The following PEX13 variants were observed in gnomAD, a reference collection of about 807,000 sequenced individuals.
The protein encoded by PEX13 is peroxisomal biogenesis factor 13.
A neutral mutation model predicts 34.5 loss-of-function variants in PEX13; 28 were observed. That is an observed-to-expected ratio of 0.81 (90% CI 0.60 to 1.11). The LOEUF is 1.11. PEX13 is among the 50% of genes most tolerant of loss of function. PEX13 has a pLI of 0.00. For synonymous variants in PEX13, 177 were observed against 175.1 expected, an observed-to-expected ratio of 1.01 and a Z score of -0.09; for missense variants, 550 against 491.0, an observed-to-expected ratio of 1.12 and a Z score of -1.13.
At chr2:61,038,876 TCTC>T (rs1680576420) in intron 2 of PEX13, among the ~76,000 whole-genome samples, 1 of 152,146 alleles carries the variant, frequency 6.6e-6, no homozygotes, top group Non-Finnish European at 1.5e-5. Context: ...CAGCCCAAAA[TCTC>T]CTTAAGCTGA....
In PEX13 at chr2:61,031,968, T is replaced by G. The variant is rs747084865; in HGVS notation, c.642T>G (p.Ser214Arg). ...AGAATGAAGACCTCTGGGCAGAGAG[T>G]GAAGGAACTGTGGCATGCCTTGGTG... ...GSENEDLWAE[S>R]EGTVACLGAE... The change falls in exon 2 of 4, where the codon AGT becomes AGG. Residue 214 changes from serine to arginine, a missense_variant. Physicochemically the swap from Ser to Arg is moderately radical, Grantham distance 110. Transcript: ENST00000295030. 16 of 1,613,778 alleles carry G rather than the reference T, an allele frequency of 9.9e-6. 1 individual carries two copies. The South Asian group carries it at 1.6e-4, about 17-fold the overall frequency.
chr2:61,035,408 G>A (rs560486090), intron 2 of PEX13, among the ~76,000 whole-genome samples: 8 of 152,280 alleles, frequency 5.3e-5, no homozygotes, highest in South Asian at 2.1e-4. Context: ...AAACCAGAGC[G>A]CCTCTTCTCC....
chr2:61,027,382 G>A (rs149382457), intron 1 of PEX13, among the ~76,000 whole-genome samples: 106 of 151,324 alleles, frequency 7.0e-4, no homozygotes, highest in African/African-American at 2.4e-3. Context: ...CAAAAACAGC[G>A]AGTTAGATTA....
chr2:61,043,891 A>G (rs1680665147), intron 2 of PEX13, among the ~76,000 whole-genome samples: 1 of 152,182 alleles, frequency 6.6e-6, no homozygotes, highest in South Asian at 2.1e-4. Flanking sequence ...ACTCCTTTTC[A>G]GCTATTGTTA....
Position 61,032,031 on chromosome 2 carries a change from A to G in PEX13, c.705A>G (p.Pro235=), listed in dbSNP as rs1029828967. The G allele has an allele frequency of 4.3e-6, 7 of 1,613,624 alleles. No homozygotes were observed. Among genetic ancestry groups the G allele is most frequent in the Non-Finnish European group, 5.9e-6 (7 of 1,179,808 alleles). Residue 235 remains proline (P), a synonymous_variant, in exon 2 of 4, where the codon CCA becomes CCG. Transcript: ENST00000295030. ...CAGCTACCTCAGCAAAATCTTGGCC[A>G]ATATTCTTGTTCTTTGCTGTTATCC... is the stretch of plus-strand genomic sequence containing the variant. ...DRAATSAKSW[P]IFLFFAVILG...
Position 61,024,252 on chromosome 2 carries a change from G to C in PEX13, c.92+6401G>C, listed in dbSNP as rs149890502. 2.7e-3 allele frequency among the ~76,000 whole-genome samples: 404 copies of C among 152,286 alleles called. 1 individual carries two copies. Among genetic ancestry groups the C allele is most frequent in the African/African-American group, 9.3e-3 (388 of 41,566 alleles). On this transcript the variant is annotated intron_variant, in intron 1 of 3. Transcript: ENST00000295030. ...TATTATCCTGGGTGGAATTCACAGG[G>C]ATACTTGAATCTGACTTTGATGCCT...
At chr2:61,018,449 T>C (rs1680159344) in intron 1 of PEX13, 3 of 860,610 alleles carry the variant, frequency 3.5e-6, no homozygotes, top group African/African-American at 1.7e-5. Context: ...TGCAAAATAG[T>C]GTATTTTTCT....
At chr2:61,021,082 C>G (rs534570467) in intron 1 of PEX13, among the ~76,000 whole-genome samples, 3 of 152,310 alleles carry the variant, frequency 2.0e-5, no homozygotes, top group South Asian at 2.1e-4. Context: ...CAGCTCTGGT[C>G]TGCAGCTCCC....
At chr2:61,044,586 A>G (rs565663828) in intron 2 of PEX13, among the ~76,000 whole-genome samples, 2 of 152,176 alleles carry the variant, frequency 1.3e-5, no homozygotes, top group Middle Eastern at 3.4e-3. Context: ...GAGTTTCTCC[A>G]TGTTGGTCAG....
chr2:61,026,711 C>G (rs1010240810), intron 1 of PEX13, among the ~76,000 whole-genome samples: 8 of 152,212 alleles, frequency 5.3e-5, no homozygotes, highest in Admixed American at 3.9e-4. Context: ...TATTTAATTT[C>G]AATTTTTATT....
At chr2:61,036,437 G>GA (rs1203654332) in intron 2 of PEX13, among the ~76,000 whole-genome samples, 3 of 152,220 alleles carry the variant, frequency 2.0e-5, no homozygotes, top group Non-Finnish European at 4.4e-5. Context: ...GCTCTCAGCA[G>GA]AAACCCTACA....
intron 2 of PEX13, among the ~76,000 whole-genome samples, chr2:61,039,405 C>T (rs1408409077): frequency 6.6e-6 from 1 of 152,038 alleles, no homozygotes; most frequent in Non-Finnish European, 1.5e-5. Context: ...ATATATAGAC[C>T]AATGGAACAG....
intron 3 of PEX13, 107 bp from the exon 4 acceptor site, chr2:61,048,365 A>G: frequency 1.1e-6 from 1 of 877,842 alleles, no homozygotes; most frequent in Non-Finnish European, 1.9e-6. Flanking sequence ...TTTGTTATCT[A>G]CTATGTAAGC....
rs531957932 is a variant in PEX13, at chr2:61,026,571, C to A, written c.93-4848C>A. On this transcript the variant is annotated intron_variant, in intron 1 of 3. Coordinates refer to ENST00000295030, the MANE Select transcript of PEX13 (RefSeq NM_002618.4). ...CCATCTTGGCCAGGCTGGTCTTGAA[C>A]TCCTGACATTGTGATCCACCCACCT... Among the ~76,000 whole-genome samples, 86 of 151,832 alleles carry A rather than the reference C, an allele frequency of 5.7e-4. 2 individuals are homozygous for A. The South Asian group carries it at 0.017, about 30-fold the overall frequency.
chr2:61,026,951 C>G (rs558249647), intron 1 of PEX13, among the ~76,000 whole-genome samples: 7 of 151,812 alleles, frequency 4.6e-5, no homozygotes, highest in Non-Finnish European at 7.4e-5. Flanking sequence ...TCCATGTTCC[C>G]CTCTCTCTAT....
intron 2 of PEX13, among the ~76,000 whole-genome samples, chr2:61,034,108 T>C (rs1322658807): frequency 6.6e-6 from 1 of 152,168 alleles, no homozygotes. Context: ...GCAATTCTCC[T>C]GCCTCAGCTT....
At chr2:61,022,765 G>A (rs1680286152) in intron 1 of PEX13, among the ~76,000 whole-genome samples, 2 of 152,116 alleles carry the variant, frequency 1.3e-5, no homozygotes, top group Non-Finnish European at 2.9e-5. Flanking sequence ...CACTAGGGAG[G>A]CTGAGGTGGG....
rs761179273 is a variant in PEX13, at chr2:61,031,713, A to T, written c.387A>T (p.Ala129=). Reference sequence around the variant, plus strand: ...AAGCTGAAGAAAGCAGCAGGGGTGCATTTCAGTCCATTGAAAGTATTGTGC... The same window carrying T: ...AAGCTGAAGAAAGCAGCAGGGGTGCTTTTCAGTCCATTGAAAGTATTGTGC... The part of the protein sequence containing the change: ...VQQAEESSRG[A]FQSIESIVHA... Residue 129 remains alanine, a synonymous_variant, in exon 2 of 4, where the codon GCA becomes GCT. Transcript: ENST00000295030. 6 of 1,614,184 alleles carry T rather than the reference A, an allele frequency of 3.7e-6. No homozygotes were observed. The highest frequency in any genetic ancestry group is 3.4e-6 in the Non-Finnish European group (4 of 1,180,036).
chr2:61,037,676 A>G (rs1573556599), intron 2 of PEX13, among the ~76,000 whole-genome samples: 2 of 152,226 alleles, frequency 1.3e-5, no homozygotes, highest in Non-Finnish European at 2.9e-5. Context: ...TCTAAAATCA[A>G]CACCCTAACA....
Sources: gnomAD v4.1 joint callset for allele counts (sites outside exome capture counted in the v4.1 genomes callset) on GRCh38, gnomAD v4.1.1 for gene constraint, MANE v1.5 for transcripts, NCBI Gene and HGNC (gene_info 2026-07-23, HGNC 2026-07-21) for gene names.